IMPA1: variants seen among roughly 807,000 people sequenced by gnomAD.
The protein encoded by IMPA1 is inositol monophosphatase 1.
Under a neutral mutation model 34.9 loss-of-function variants are expected in IMPA1, and 21 were observed. The ratio of observed to expected loss-of-function variants is 0.60; its 90% CI spans 0.43 to 0.87. IMPA1 has a LOEUF of 0.87. IMPA1 is among the 40% of genes least tolerant of loss of function. The probability of loss-of-function intolerance (pLI) is 0.00; values close to 1 mark genes in which losing one functional copy is unlikely to be tolerated. For missense variants in IMPA1, 299 were observed against 336.4 expected, an observed-to-expected ratio of 0.89 and a Z score of 0.87; for synonymous variants, 95 against 104.4, an observed-to-expected ratio of 0.91 and a Z score of 0.55.
chr8:81,684,479 A>T (rs1190809540), intron 1 of IMPA1, among the ~76,000 whole-genome samples: 1 of 29,038 alleles, frequency 3.4e-5, no homozygotes, highest in Non-Finnish European at 7.0e-5. Context: ...CAGTATCTTT[A>T]GATACTACAG....
intron 3 of IMPA1, among the ~76,000 whole-genome samples, chr8:81,679,667 GCTT>G (rs752186816): frequency 2.6e-5 from 4 of 151,128 alleles, no homozygotes; most frequent in African/African-American, 9.7e-5. Context: ...TTCTATTGTT[GCTT>G]CTTCTTCCTT....
rs1203313856 is a variant in IMPA1 at position 81,681,480 on chromosome 8, C to T, written c.63+18G>A. On this transcript the variant is annotated intron_variant, in intron 2 of 8. Transcript: ENST00000256108. ...TCACATTATAATTGATTATAATTGA[C>T]AAAATCTTAGCTCATACCTCTCCAG... 2.8e-6 allele frequency: 4 copies of T among 1,423,848 alleles called. No homozygotes were observed. Among genetic ancestry groups the T allele is most frequent in the Middle Eastern group, 2.3e-4 (1 of 4,296 alleles). The allele number at this position is 1,423,848 out of a possible 1,614,324, so 88.2% of individuals were successfully genotyped here.
At chr8:81,685,773 C>A in intron 1 of IMPA1, 1 of 1,517,986 alleles carries the variant, frequency 6.6e-7, no homozygotes, top group Non-Finnish European at 8.9e-7. Flanking sequence ...TTTCATTTTC[C>A]CAAAGCCATA....
rs1211177089 is a variant in IMPA1, at chr8:81,659,056, T to C, written c.*295A>G. ...AAAATTTCAGGGGACCATAGATATT[T>C]AGAAACACAAAATTGCTAATTGACT... is the stretch of plus-strand genomic sequence containing the variant. On this transcript the variant is annotated 3_prime_UTR_variant, in exon 9 of 9. Coordinates refer to ENST00000256108, the MANE Select transcript of IMPA1 (RefSeq NM_005536.4). The C allele has an allele frequency of 2.8e-6, 1 of 362,710 alleles. No individual in the cohort carries two copies. The highest frequency in any genetic ancestry group is 5.0e-6 in the Non-Finnish European group (1 of 199,096). The allele number at this position is 362,710 out of a possible 1,614,324, so 22.5% of individuals were successfully genotyped here. A position where few individuals can be genotyped will look rare whatever the true frequency, so the allele number is the denominator to read the frequency against.
In IMPA1 at chr8:81,680,596, C is replaced by T. The variant is rs80215430; in HGVS notation, c.197+54G>A. On this transcript the variant is annotated intron_variant, in intron 3 of 8. Transcript: ENST00000256108. ...AGTCAAGCTACTCTCATATGCAGAA[C>T]CCCAAGAAATGGTGAGATAATAAAC... 5.6e-3 allele frequency: 7,679 copies of T among 1,369,182 alleles called. 29 individuals carry two copies. The highest frequency in any genetic ancestry group is 7.0e-3 in the Non-Finnish European group (6,785 of 972,036). The allele number at this position is 1,369,182 out of a possible 1,614,324, so 84.8% of individuals were successfully genotyped here.
In IMPA1 at chr8:81,684,706, A is replaced by G. The variant is rs570654030; in HGVS notation, c.-25+1546T>C. On this transcript the variant is annotated intron_variant, in intron 1 of 8. Transcript: ENST00000256108. Reference sequence around the variant, plus strand: ...ACTATGTGGAGTATAAATACTACACATAAGTATATTTAGATACTATGTGGA... The same window carrying G: ...ACTATGTGGAGTATAAATACTACACGTAAGTATATTTAGATACTATGTGGA... Among the ~76,000 whole-genome samples, 237 of 143,316 alleles carry G rather than the reference A, an allele frequency of 1.7e-3. 1 individual carries two copies. The highest frequency in any genetic ancestry group is 5.9e-3 in the African/African-American group (229 of 39,088). 94.0% of individuals were successfully genotyped at this position (143,316 alleles called of 152,430 possible).
At chr8:81,685,998 A>C (rs1807512591) in intron 1 of IMPA1, 1 of 1,423,696 alleles carries the variant, frequency 7.0e-7, no homozygotes, top group Non-Finnish European at 9.3e-7. Flanking sequence ...AGGGGCAATT[A>C]TTCCACAGAA....
chr8:81,666,598 G>A (rs552576785), intron 7 of IMPA1, among the ~76,000 whole-genome samples: 8 of 152,236 alleles, frequency 5.3e-5, no homozygotes, highest in African/African-American at 1.9e-4. Context: ...CAGGGGCCAG[G>A]CACAGTGGCT....
chr8:81,676,874 T>G (rs1231864086), intron 4 of IMPA1, among the ~76,000 whole-genome samples: 1 of 151,796 alleles, frequency 6.6e-6, no homozygotes, highest in African/African-American at 2.4e-5. Flanking sequence ...ACGCCTATAG[T>G]CCAAGCTTCC....
intron 7 of IMPA1, among the ~76,000 whole-genome samples, chr8:81,668,780 A>C (rs1806906516): frequency 6.6e-6 from 1 of 152,056 alleles, no homozygotes; most frequent in Non-Finnish European, 1.5e-5. Flanking sequence ...AAAGACAATG[A>C]AAGAAAGAAC....
At position 81,658,753 on chromosome 8, in the gene IMPA1, A is replaced by AT; in HGVS notation, c.*597dup. 1 of 152,786 alleles carries AT rather than the reference A, an allele frequency of 6.5e-6. No individual in the cohort carries two copies. Among genetic ancestry groups the AT allele is most frequent in the South Asian group, 2.1e-4 (1 of 4,832 alleles). The allele number at this position is 152,786 out of a possible 1,614,324, so 9.5% of individuals were successfully genotyped here. A position where few individuals can be genotyped will look rare whatever the true frequency, so the allele number is the denominator to read the frequency against. On this transcript the variant is annotated 3_prime_UTR_variant, in exon 9 of 9. Coordinates refer to ENST00000256108, the MANE Select transcript of IMPA1 (RefSeq NM_005536.4). ...AGCAAAAGTACAGAATGCTGAGTTC[A>AT]TTACTTTATGTATCTATTGTAACTA...
intron 8 of IMPA1, among the ~76,000 whole-genome samples, chr8:81,660,017 G>A (rs987686040): frequency 2.0e-5 from 3 of 152,146 alleles, no homozygotes; most frequent in African/African-American, 7.2e-5. Flanking sequence ...GACTGTCTAG[G>A]CCAAGGGTGT....
chr8:81,685,777 A>C (rs1460132719), intron 1 of IMPA1: 1 of 1,523,790 alleles, frequency 6.6e-7, no homozygotes, highest in Non-Finnish European at 8.8e-7. Context: ...ATTTTCCCAA[A>C]GCCATAAACA....
chr8:81,679,370 T>C (rs1807225259), intron 3 of IMPA1, 140 bp from the exon 4 acceptor site: 1 of 624,212 alleles, frequency 1.6e-6, no homozygotes, highest in East Asian at 3.0e-5. Context: ...TCCCAGCACT[T>C]TGGGAGGCCA....
intron 5 of IMPA1, chr8:81,674,806 C>A: frequency 4.4e-6 from 2 of 455,372 alleles, no homozygotes; most frequent in Non-Finnish European, 8.8e-6. Flanking sequence ...ACCTCATAAT[C>A]GGGGGAAGAA....
At chr8:81,662,585 C>T (rs1009779706) in intron 7 of IMPA1, among the ~76,000 whole-genome samples, 1 of 152,044 alleles carries the variant, frequency 6.6e-6, no homozygotes, top group Non-Finnish European at 1.5e-5. Flanking sequence ...AGCTGTGGTC[C>T]GCCTATGCAG....
chr8:81,680,226 A>G (rs1807257086), intron 3 of IMPA1, among the ~76,000 whole-genome samples: 1 of 152,116 alleles, frequency 6.6e-6, no homozygotes, highest in Non-Finnish European at 1.5e-5. Flanking sequence ...CTATGCAGAT[A>G]CTTGTTTCTA....
chr8:81,680,133 TAAA>T (rs60772020), intron 3 of IMPA1, among the ~76,000 whole-genome samples: 26 of 132,120 alleles, frequency 2.0e-4, no homozygotes, highest in African/African-American at 2.5e-4. Flanking sequence ...TGTCTCCGTC[TAAA>T]AAAAAAAAAA....
At position 81,672,740 on chromosome 8, in the gene IMPA1, T is replaced by C. The variant is rs57108689; in HGVS notation, c.457+1101A>G. On this transcript the variant is annotated intron_variant, in intron 6 of 8. Coordinates refer to ENST00000256108, the MANE Select transcript of IMPA1 (RefSeq NM_005536.4). ...CCTTTTTTGAGGCCAACAGATGTAA[T>C]AGAGAAGAAAGAACTTAAATTGCCA... Among the ~76,000 whole-genome samples the C allele has an allele frequency of 7.7e-3, 1,168 of 152,288 alleles. 11 individuals are homozygous for C. Among genetic ancestry groups the C allele is most frequent in the African/African-American group, 0.026 (1,062 of 41,558 alleles).
Sources: allele counts gnomAD v4.1 joint callset (sites outside exome capture counted in the v4.1 genomes callset), GRCh38; gene constraint gnomAD v4.1.1; transcripts MANE v1.5; gene names NCBI Gene and HGNC (gene_info 2026-07-23, HGNC 2026-07-21).